The following SFXN5 variants were observed in gnomAD, a reference collection of about 807,000 sequenced individuals.
SFXN5 encodes the protein sideroflexin-5.
A neutral mutation model predicts 50.2 loss-of-function variants in SFXN5; 43 were observed. That is an observed-to-expected ratio of 0.86 (90% confidence interval 0.67 to 1.11). The LOEUF (loss-of-function observed/expected upper bound fraction) is 1.11. SFXN5 is among the 50% of genes least tolerant of loss of function. The pLI is 0.00. For synonymous variants in SFXN5, 203 were observed against 185.8 expected (o/e 1.09, Z -0.75); for missense variants, 463 against 454.1 (o/e 1.02, Z -0.18).
intron 2 of SFXN5, among the ~76,000 whole-genome samples, chr2:73,042,897 C>T (rs1041811473): frequency 6.6e-6 from 1 of 150,520 alleles, no homozygotes; most frequent in African/African-American, 2.5e-5. Context: ...AAAACCCCAT[C>T]TCTATTAAAA....
chr2:73,022,517 C>T lies in SFXN5; in HGVS notation c.331+5G>A. On this transcript the variant is annotated splice_donor_5th_base_variant and intron_variant, in intron 5 of 13. Transcript: ENST00000272433. ...ACCAGAACCAGAAGGGCCCCAGGAGCTTACCTGACATTCTAAATGGCATGA... is the reference window on the plus strand; with the variant it reads ...ACCAGAACCAGAAGGGCCCCAGGAGTTTACCTGACATTCTAAATGGCATGA... 1 of 1,611,138 alleles carries T rather than the reference C, an allele frequency of 6.2e-7. No homozygotes were observed. Among genetic ancestry groups the T allele is most frequent in the Non-Finnish European group, 8.5e-7 (1 of 1,178,356 alleles).
chr2:73,020,266 T>A lies in SFXN5; in HGVS notation c.332-2A>T. 6.2e-7 allele frequency: 1 copy of A among 1,614,040 alleles called. No homozygotes were observed. ...TTGGCGTCCCAAAAGGAATATAACC[T>A]GTGAACGAGAAGAAAAGAGTCAGGC... On this transcript the variant is annotated splice_acceptor_variant, in intron 5 of 13. Transcript: ENST00000272433. LOFTEE classifies it high-confidence loss of function.
chr2:72,964,767 G>A lies in SFXN5; in HGVS notation c.828-3519C>T, dbSNP rs556910703. On this transcript the variant is annotated intron_variant, in intron 12 of 13. Coordinates refer to ENST00000272433, the MANE Select transcript of SFXN5 (RefSeq NM_144579.3). ...CTTCAGGGAAGGACCAGTGAAACAT[G>A]AGGCTGCCAGGAGCACCAAACTCTG... 2.0e-5 allele frequency among the ~76,000 whole-genome samples: 3 copies of A among 152,352 alleles called. No homozygotes were observed. In the South Asian group the frequency reaches 6.2e-4, roughly 32 times the overall value.
chr2:72,976,660 G>A (rs971630510), intron 10 of SFXN5, among the ~76,000 whole-genome samples: 3 of 152,186 alleles, frequency 2.0e-5, no homozygotes, highest in East Asian at 1.9e-4. Flanking sequence ...AAATGTGAAG[G>A]AGGCTTAGAC....
chr2:72,961,120 T>TC lies in SFXN5; in HGVS notation c.945+10dup, dbSNP rs1673678697. 6 of 1,565,642 alleles carry TC rather than the reference T, an allele frequency of 3.8e-6. No homozygotes were observed. The highest frequency in any genetic ancestry group is 5.2e-6 in the Non-Finnish European group (6 of 1,155,908). Reference sequence around the variant, plus strand: ...CTGCCCTGCCCTGCCCTTGAGCCCCTCCCCACTGACCTCTGACATTTGCGG... The same window carrying TC: ...CTGCCCTGCCCTGCCCTTGAGCCCCTCCCCCACTGACCTCTGACATTTGCGG... On this transcript the variant is annotated intron_variant, in intron 13 of 13. Coordinates refer to ENST00000272433, the MANE Select transcript of SFXN5 (RefSeq NM_144579.3). The surrounding 1 kb of genome is among the most constrained non-coding windows in gnomAD (Gnocchi z 4.4).
At chr2:73,027,700 C>T (rs1677752200) in intron 3 of SFXN5, among the ~76,000 whole-genome samples, 1 of 152,054 alleles carries the variant, frequency 6.6e-6, no homozygotes, top group Non-Finnish European at 1.5e-5. Flanking sequence ...TGCTCTGTCG[C>T]CCAGGCTGGA....
chr2:73,040,955 T>C (rs1679551939), intron 2 of SFXN5, 24 bp from the exon 3 acceptor site: 4 of 1,606,308 alleles, frequency 2.5e-6, no homozygotes, highest in Non-Finnish European at 3.4e-6. Flanking sequence ...AAAAGAGACA[T>C]TGAGGGGCAC....
At chr2:73,004,315 G>GCACACACACACACACA (rs59114781) in intron 6 of SFXN5, among the ~76,000 whole-genome samples, 5 of 115,556 alleles carry the variant, frequency 4.3e-5, no homozygotes, top group African/African-American at 1.1e-4. Context: ...GAGTGCGCGC[G>GCACACACACACACACA]CACACACACA....
chr2:73,034,099 G>C (rs142548333), intron 3 of SFXN5, among the ~76,000 whole-genome samples: 1 of 152,346 alleles, frequency 6.6e-6, no homozygotes, highest in African/African-American at 2.4e-5. Context: ...AGTATAGGCA[G>C]ATCATCCAGG....
chr2:72,974,348 C>G (rs762766919), intron 10 of SFXN5, among the ~76,000 whole-genome samples: 2 of 152,092 alleles, frequency 1.3e-5, no homozygotes, highest in African/African-American at 4.8e-5. Flanking sequence ...ATTAAACATG[C>G]GGCGAGCAGG....
intron 3 of SFXN5, among the ~76,000 whole-genome samples, chr2:73,035,910 G>C (rs897402899): frequency 6.6e-6 from 1 of 152,196 alleles, no homozygotes; most frequent in East Asian, 1.9e-4. Context: ...ATACATTTGC[G>C]CATACCCACT....
At chr2:72,984,883 C>T (rs1480865266) in intron 10 of SFXN5, among the ~76,000 whole-genome samples, 2 of 152,090 alleles carry the variant, frequency 1.3e-5, no homozygotes, top group African/African-American at 4.8e-5. Context: ...GTGTGTAGCC[C>T]ACCTCCCAGG....
At chr2:73,023,382 G>C (rs72848112) in intron 3 of SFXN5, among the ~76,000 whole-genome samples, 168 bp from the exon 4 acceptor site, 1 of 152,154 alleles carries the variant, frequency 6.6e-6, no homozygotes, top group Non-Finnish European at 1.5e-5. Context: ...TATCCTGGGG[G>C]GGGTGACATC....
chr2:73,039,721 C>T (rs1027589623), intron 3 of SFXN5, among the ~76,000 whole-genome samples: 2 of 152,160 alleles, frequency 1.3e-5, no homozygotes, highest in Non-Finnish European at 2.9e-5. Flanking sequence ...TCCTGCGGAA[C>T]AGGCATGGGA....
chr2:73,047,203 G>A (rs1427737512), intron 2 of SFXN5, among the ~76,000 whole-genome samples: 2 of 93,532 alleles, frequency 2.1e-5, no homozygotes, highest in Admixed American at 3.0e-4. Context: ...GGGTGACAGA[G>A]TGAGACTCCA....
Position 72,992,405 on chromosome 2 carries a change from A to G in SFXN5, c.535-4057T>C, listed in dbSNP as rs146265827. On this transcript the variant is annotated intron_variant, in intron 9 of 13. Coordinates refer to ENST00000272433, the MANE Select transcript of SFXN5 (RefSeq NM_144579.3). The surrounding 1 kb of genome is among the most constrained non-coding windows in gnomAD (Gnocchi z 4.5). The stretch of plus-strand genomic sequence containing the variant: ...TGGATGAGGCTGGAAGAATGCCTGC[A>G]TCCCTCTCCCCGCATCTGTGCCCCC... Among the ~76,000 whole-genome samples, 1,229 of 152,298 alleles carry G rather than the reference A, an allele frequency of 8.1e-3. 6 individuals carry two copies. Among genetic ancestry groups the G allele is most frequent in the Admixed American group, 0.016 (247 of 15,300 alleles).
chr2:73,041,212 G>A (rs1679582691), intron 2 of SFXN5, among the ~76,000 whole-genome samples: 1 of 152,162 alleles, frequency 6.6e-6, no homozygotes, highest in South Asian at 2.1e-4. Context: ...GCTGTTTGTT[G>A]TACCAAATAA....
intron 13 of SFXN5, among the ~76,000 whole-genome samples, chr2:72,954,510 G>T (rs147250941): frequency 6.6e-6 from 1 of 152,102 alleles, no homozygotes; most frequent in Non-Finnish European, 1.5e-5. Flanking sequence ...CTGCCCCCAG[G>T]GGCCCCTGCA....
At chr2:73,035,050 T>A (rs1423502916) in intron 3 of SFXN5, among the ~76,000 whole-genome samples, 2 of 152,216 alleles carry the variant, frequency 1.3e-5, no homozygotes, top group Admixed American at 6.5e-5. Flanking sequence ...AGGAAAATAA[T>A]GCAACCTCTC....
Sources: allele counts gnomAD v4.1 joint callset (sites outside exome capture counted in the v4.1 genomes callset), GRCh38; gene constraint gnomAD v4.1.1; non-coding constraint Gnocchi (gnomAD v3.1); transcripts MANE v1.5; gene names NCBI Gene and HGNC (gene_info 2026-07-23, HGNC 2026-07-21).